MYO5C: variants seen among roughly 807,000 people sequenced by gnomAD.
MYO5C encodes unconventional myosin-Vc.
Under a neutral mutation model 235.7 loss-of-function variants are expected in MYO5C, and 194 were observed. That is an observed-to-expected ratio of 0.82 (90% CI 0.73 to 0.93). MYO5C has a LOEUF of 0.93. Among genes scored for constraint, MYO5C ranks in the 40% least tolerant of loss-of-function variants. MYO5C has a pLI of 0.00. For missense variants in MYO5C, 2,038 were observed against 2,127.2 expected (o/e 0.96, Z 0.82); for synonymous variants, 707 against 754.8 (o/e 0.94, Z 1.04).
chr15:52,212,389 T>C (rs1359173377), intron 34 of MYO5C, among the ~76,000 whole-genome samples: 1 of 151,900 alleles, frequency 6.6e-6, no homozygotes, highest in African/African-American at 2.4e-5. Context: ...ACAAAAAAAG[T>C]TAAGATAAGC....
intron 32 of MYO5C, among the ~76,000 whole-genome samples, chr15:52,217,601 A>C (rs771798668): frequency 6.6e-6 from 1 of 152,220 alleles, no homozygotes; most frequent in Non-Finnish European, 1.5e-5. Flanking sequence ...TCCACCTCAG[A>C]AAAGGCAGCT....
Position 52,193,963 on chromosome 15 carries a change from T to C in MYO5C, c.5168A>G (p.His1723Arg), listed in dbSNP as rs1287161040. ...GGGGATCTGAATCATTTCCAGAGCA[T>C]GTGGAGAGGGGGTAAAAGGAAATGT... is the stretch of plus-strand genomic sequence containing the variant. ...QVTFPFTPSP[H>R]ALEMIQIPSS... is the part of the protein sequence containing the mutation. The change falls in exon 41 of 41, where the codon CAT becomes CGT. Residue 1723 changes from histidine (H) to arginine (R), a missense_variant. Coordinates refer to ENST00000261839, the MANE Select transcript of MYO5C (RefSeq NM_018728.4). The C allele has an allele frequency of 1.9e-6, 3 of 1,613,776 alleles. No individual in the cohort carries two copies. Among genetic ancestry groups the C allele is most frequent in the Non-Finnish European group, 2.5e-6 (3 of 1,179,884 alleles).
At chr15:52,265,965 G>A (rs565292925) in intron 8 of MYO5C, among the ~76,000 whole-genome samples, 6 of 152,186 alleles carry the variant, frequency 3.9e-5, no homozygotes, top group East Asian at 1.9e-4. Context: ...TCCTCCATCC[G>A]AAGGACAGAT....
chr15:52,247,462 C>G lies in MYO5C; in HGVS notation c.1877G>C (p.Ser626Thr). Reference protein sequence around the residue: ...NSKHFRTTVGSKFRSSLYLLM... With the variant: ...NSKHFRTTVGTKFRSSLYLLM... ...TCTCAAACACCTTCTCAGTACCTTGCTCCCAACTGTGGTCCGGAAATGCTT... is the reference window on the plus strand; with the variant it reads ...TCTCAAACACCTTCTCAGTACCTTGGTCCCAACTGTGGTCCGGAAATGCTT... The change falls in exon 15 of 41, where the codon AGC becomes ACC. Residue 626 changes from serine to threonine, a missense_variant. Physicochemically the swap from Ser to Thr is moderately conservative, Grantham distance 58. Coordinates refer to ENST00000261839, the MANE Select transcript of MYO5C (RefSeq NM_018728.4). 3 of 1,614,124 alleles carry G rather than the reference C, an allele frequency of 1.9e-6. No individual in the cohort carries two copies. Among genetic ancestry groups the G allele is most frequent in the Non-Finnish European group, 2.5e-6 (3 of 1,179,984 alleles).
intron 25 of MYO5C, among the ~76,000 whole-genome samples, chr15:52,227,194 T>G (rs1237112406): frequency 9.5e-6 from 1 of 105,362 alleles, no homozygotes; most frequent in African/African-American, 4.3e-5. Flanking sequence ...AGAGTAATTT[T>G]TTTTTTTTTT....
intron 1 of MYO5C, among the ~76,000 whole-genome samples, chr15:52,286,630 T>C (rs1195223663): frequency 3.9e-5 from 6 of 152,186 alleles, no homozygotes; most frequent in Non-Finnish European, 7.3e-5. Context: ...CCTGTTGATC[T>C]GTGACCTTGC....
At chr15:52,247,617 A>C (rs759021563) in intron 14 of MYO5C, 25 bp from the exon 15 acceptor site, 4 of 1,612,610 alleles carry the variant, frequency 2.5e-6, no homozygotes, top group Non-Finnish European at 2.5e-6. Context: ...GAGGATCTCA[A>C]TGTCCAAAAG....
rs2034989566 is a variant in MYO5C at position 52,193,939 on chromosome 15, G to A, written c.5192C>T (p.Pro1731Leu). The A allele has an allele frequency of 6.2e-7, 1 of 1,613,190 alleles. No individual in the cohort carries two copies. The highest frequency in any genetic ancestry group is 8.5e-7 in the Non-Finnish European group (1 of 1,179,730). ...SPHALEMIQIPSSFKLGFLNR... is the reference protein window; with the variant it reads ...SPHALEMIQILSSFKLGFLNR... ...CAGAAAGCCTAGCTTGAAACTGCTG[G>A]GGATCTGAATCATTTCCAGAGCATG... Residue 1731 changes from proline (P) to leucine (L), a missense_variant, in exon 41 of 41, where the codon CCC becomes CTC. Pro to Leu is a moderately conservative substitution (Grantham distance 98). Coordinates refer to ENST00000261839, the MANE Select transcript of MYO5C (RefSeq NM_018728.4).
Position 52,232,649 on chromosome 15 carries a change from T to A in MYO5C, c.2999A>T (p.Asp1000Val), listed in dbSNP as rs575116947. ...MDNLTKQLFD[D>V]VQKEERQRML... ...TCTTTGCCGTTCTTCCTTTTGTACATCATCAAAGAGCTGCTTGGTGAGGTT... is the reference window on the plus strand; with the variant it reads ...TCTTTGCCGTTCTTCCTTTTGTACAACATCAAAGAGCTGCTTGGTGAGGTT... The change falls in exon 24 of 41, where the codon GAT becomes GTT. Residue 1000 changes from aspartate (D) to valine (V), a missense_variant. Coordinates refer to ENST00000261839, the MANE Select transcript of MYO5C (RefSeq NM_018728.4). 6.6e-5 allele frequency: 107 copies of A among 1,613,910 alleles called. 1 individual carries two copies. In the South Asian group the frequency reaches 1.1e-3, roughly 16 times the overall value.
At chr15:52,228,698 A>T (rs1265777153) in intron 25 of MYO5C, among the ~76,000 whole-genome samples, 4 of 152,212 alleles carry the variant, frequency 2.6e-5, no homozygotes, top group Non-Finnish European at 5.9e-5. Context: ...GCTCTTATTA[A>T]CTACATTCAC....
At chr15:52,293,862 C>T (rs1222377557) in intron 1 of MYO5C, among the ~76,000 whole-genome samples, 2 of 152,232 alleles carry the variant, frequency 1.3e-5, no homozygotes, top group Non-Finnish European at 2.9e-5. Flanking sequence ...AAAACCCACA[C>T]TGGGGAATAA....
intron 1 of MYO5C, among the ~76,000 whole-genome samples, chr15:52,291,554 C>T (rs1416017808): frequency 1.3e-5 from 2 of 151,902 alleles, no homozygotes; most frequent in South Asian, 2.1e-4. Context: ...TTTCCCTTTC[C>T]CCTTCACAGT....
intron 1 of MYO5C, among the ~76,000 whole-genome samples, chr15:52,290,867 T>TAA (rs34990033): frequency 6.6e-6 from 1 of 151,990 alleles, no homozygotes; most frequent in Non-Finnish European, 1.5e-5. Flanking sequence ...TGTATTTAGG[T>TAA]AAAAAAAATC....
At chr15:52,276,475 T>G (rs1285411692) in intron 4 of MYO5C, among the ~76,000 whole-genome samples, 2 of 152,174 alleles carry the variant, frequency 1.3e-5, no homozygotes, top group Non-Finnish European at 2.9e-5. Flanking sequence ...GCCTAGCATA[T>G]GCCAATATTC....
intron 22 of MYO5C, among the ~76,000 whole-genome samples, chr15:52,236,064 GCTT>G (rs2036076694): frequency 6.6e-6 from 1 of 152,226 alleles, no homozygotes; most frequent in African/African-American, 2.4e-5. Flanking sequence ...CTTTTGTCGA[GCTT>G]CTCAATAGCC....
intron 31 of MYO5C, 38 bp downstream of exon 31, chr15:52,219,721 C>T (rs768174097): frequency 8.6e-6 from 13 of 1,515,888 alleles, no homozygotes; most frequent in East Asian, 2.3e-5. Context: ...AAGCATTACA[C>T]GAGCATGAAC....
At chr15:52,204,269 A>G (rs957998301) in intron 38 of MYO5C, among the ~76,000 whole-genome samples, 1 of 151,524 alleles carries the variant, frequency 6.6e-6, no homozygotes, top group African/African-American at 2.4e-5. Flanking sequence ...CTTACTCCAC[A>G]TGCAGCCTGA....
chr15:52,264,460 C>A (rs1456570188), intron 8 of MYO5C, among the ~76,000 whole-genome samples, 164 bp from the exon 9 acceptor site: 1 of 152,118 alleles, frequency 6.6e-6, no homozygotes, highest in Non-Finnish European at 1.5e-5. Flanking sequence ...TCCTTCTAGT[C>A]GACCTCTGTA....
rs28439803 is a variant in MYO5C, at chr15:52,265,543, G to T, written c.941-1247C>A. On this transcript the variant is annotated intron_variant, in intron 8 of 40. Coordinates refer to ENST00000261839, the MANE Select transcript of MYO5C (RefSeq NM_018728.4). ...ACAATTTCAAAACCTACAGTTTTTTGTTTTTTTTTTTTTGAGACAAGGTCT... is the reference window on the plus strand; with the variant it reads ...ACAATTTCAAAACCTACAGTTTTTTTTTTTTTTTTTTTTGAGACAAGGTCT... 8.6e-3 allele frequency among the ~76,000 whole-genome samples: 1,238 copies of T among 143,196 alleles called. 17 individuals are homozygous for T. The highest frequency in any genetic ancestry group is 0.023 in the African/African-American group (889 of 39,240). The allele number at this position is 143,196 out of a possible 152,430, so 93.9% of individuals were successfully genotyped here.
Sources: allele counts gnomAD v4.1 joint callset (sites outside exome capture counted in the v4.1 genomes callset), GRCh38; gene constraint gnomAD v4.1.1; transcripts MANE v1.5; gene names NCBI Gene and HGNC (gene_info 2026-07-23, HGNC 2026-07-21).